The following PHEX variants were observed in gnomAD, a reference collection of about 807,000 sequenced individuals.
PHEX encodes the protein phosphate regulating endopeptidase X-linked, also known as phosphate-regulating neutral endopeptidase PHEX.
In PHEX, 16 loss-of-function variants were observed where a neutral mutation model predicts 68.0. The observed-to-expected ratio is 0.24, with a 90% CI of 0.16 to 0.36. The LOEUF (loss-of-function observed/expected upper bound fraction) is 0.36. Among genes scored for constraint, PHEX ranks in the 10% least tolerant of loss-of-function variants. PHEX has a pLI of 1.00. For synonymous variants in PHEX, 208 were observed against 205.1 expected (o/e 1.01, Z -0.12); for missense variants, 480 against 575.5 (o/e 0.83, Z 1.70).
rs56273956 is a variant in PHEX, at chrX:22,144,749, G to GAAA, written c.1404+11135_1404+11137dup. On this transcript the variant is annotated intron_variant, in intron 12 of 21. Coordinates refer to ENST00000379374, the MANE Select transcript of PHEX (RefSeq NM_000444.6). ...CAAAATTGTTTGCTTTCTTTTTTTT[G>GAAA]AAAAAAAAAAAATGGTTGATTTGAA... 1.9e-3 allele frequency among the ~76,000 whole-genome samples: 188 copies of GAAA among 97,900 alleles called. 1 individual carries two copies. Among genetic ancestry groups the GAAA allele is most frequent in the African/African-American group, 6.8e-3 (184 of 27,112 alleles). The allele number at this position is 97,900 out of a possible 115,157, so 85.0% of individuals were successfully genotyped here. A position where few individuals can be genotyped will look rare whatever the true frequency, so the allele number is the denominator to read the frequency against.
chrX:22,211,313 C>T (rs994175136), intron 15 of PHEX, among the ~76,000 whole-genome samples: 1 of 111,846 alleles, frequency 8.9e-6, no homozygotes, highest in Admixed American at 9.5e-5. Flanking sequence ...AAAGCCTTGC[C>T]CTATCTTTCA....
intron 15 of PHEX, among the ~76,000 whole-genome samples, chrX:22,199,490 G>A (rs150537363): frequency 1.8e-4 from 20 of 111,861 alleles, no homozygotes; most frequent in African/African-American, 3.6e-4. Context: ...GTTTTAAGTC[G>A]TGTGCCATTC....
In PHEX at chrX:22,168,296, T is replaced by G; in HGVS notation, c.1405-16T>G. On this transcript the variant is annotated splice_polypyrimidine_tract_variant and intron_variant, in intron 12 of 21. Coordinates refer to ENST00000379374, the MANE Select transcript of PHEX (RefSeq NM_000444.6). The stretch of plus-strand genomic sequence containing the variant: ...TGCTGAAACTCTGACATTATTTTTC[T>G]TTTTCCTTTTTGTAGGCGAGAGCTG... 1.8e-6 allele frequency: 2 copies of G among 1,142,170 alleles called. No homozygotes were observed. Among genetic ancestry groups the G allele is most frequent in the Non-Finnish European group, 2.4e-6 (2 of 832,098 alleles). The allele number at this position is 1,142,170 out of a possible 1,213,427, so 94.1% of individuals were successfully genotyped here.
At chrX:22,238,308 C>T (rs1405403494) in intron 20 of PHEX, among the ~76,000 whole-genome samples, 3 of 111,751 alleles carry the variant, frequency 2.7e-5, no homozygotes, top group Non-Finnish European at 3.8e-5. Flanking sequence ...GGTGGGACGT[C>T]ACTTCACCCG....
intron 12 of PHEX, among the ~76,000 whole-genome samples, chrX:22,157,602 A>G (rs771952363): frequency 8.9e-6 from 1 of 112,772 alleles, no homozygotes; most frequent in Non-Finnish European, 1.9e-5. Flanking sequence ...GTATGGCAAA[A>G]TTAAGATTTA....
At chrX:22,217,021 T>C (rs1208408705) in intron 16 of PHEX, among the ~76,000 whole-genome samples, 2 of 111,848 alleles carry the variant, frequency 1.8e-5, no homozygotes, top group Non-Finnish European at 3.8e-5. Context: ...CTTTTGCAAA[T>C]AGGAAGCTTG....
chrX:22,038,431 GC>G, intron 1 of PHEX, 37 bp from the exon 2 acceptor site: 1 of 963,399 alleles, frequency 1.0e-6, no homozygotes, highest in East Asian at 3.1e-5. Flanking sequence ...ATGGTGGTCT[GC>G]TACAACTCAG....
intron 6 of PHEX, among the ~76,000 whole-genome samples, 156 bp from the exon 7 acceptor site, chrX:22,093,827 G>A (rs1294094698): frequency 1.8e-5 from 2 of 112,132 alleles, no homozygotes; most frequent in Non-Finnish European, 3.8e-5. Flanking sequence ...TGTTATATGG[G>A]TGCCTGGTAT....
chrX:22,032,898 A>G lies in PHEX; in HGVS notation c.-108A>G, dbSNP rs149541983. The G allele has an allele frequency of 3.6e-3, 2,108 of 589,943 alleles. 34 individuals are homozygous for G. In the African/African-American group the frequency reaches 0.041, roughly 11 times the overall value. The allele number at this position is 589,943 out of a possible 1,213,427, so 48.6% of individuals were successfully genotyped here. ...CTGACGGCAGTTTCTTAAGCTGTCC[A>G]TTAGTAGAAGAGCAAGAAAGCCTTG... On this transcript the variant is annotated 5_prime_UTR_variant, in exon 1 of 22. Coordinates refer to ENST00000379374, the MANE Select transcript of PHEX (RefSeq NM_000444.6).
chrX:22,080,405 A>C (rs1929337857), intron 5 of PHEX, among the ~76,000 whole-genome samples: 1 of 111,105 alleles, frequency 9.0e-6, no homozygotes, highest in African/African-American at 3.3e-5. Flanking sequence ...GAATATTCAC[A>C]CATCTGAACT....
At chrX:22,220,761 G>A (rs2018676634) in intron 17 of PHEX, among the ~76,000 whole-genome samples, 1 of 112,285 alleles carries the variant, frequency 8.9e-6, no homozygotes, top group African/African-American at 3.2e-5. Context: ...TTAGTAGTAT[G>A]TAGCCTTGCT....
chrX:22,159,299 C>T (rs1933040465), intron 12 of PHEX, among the ~76,000 whole-genome samples: 1 of 113,017 alleles, frequency 8.8e-6, no homozygotes, highest in Admixed American at 9.3e-5. Flanking sequence ...TGGCATTCTG[C>T]CTGTTTTTGT....
intron 11 of PHEX, among the ~76,000 whole-genome samples, chrX:22,128,872 G>A (rs1435131718): frequency 1.0e-5 from 1 of 95,298 alleles, no homozygotes; most frequent in Non-Finnish European, 2.0e-5. Flanking sequence ...CCCCCGCCCA[G>A]TGGATGAGAC....
chrX:22,241,937 G>A (rs187111363), intron 20 of PHEX, among the ~76,000 whole-genome samples: 278 of 111,854 alleles, frequency 2.5e-3, no homozygotes, highest in East Asian at 4.8e-3. Context: ...TGAGGCCAGC[G>A]TGATCCTGAT....
chrX:22,157,215 G>A (rs1464568492), intron 12 of PHEX, among the ~76,000 whole-genome samples: 1 of 111,999 alleles, frequency 8.9e-6, no homozygotes, highest in Non-Finnish European at 1.9e-5. Flanking sequence ...AAATGAGCCG[G>A]GTGTGGTGGC....
At chrX:22,156,306 G>T in intron 12 of PHEX, among the ~76,000 whole-genome samples, 1 of 110,353 alleles carries the variant, frequency 9.1e-6, no homozygotes, top group East Asian at 2.9e-4. Flanking sequence ...TTCTCATCCT[G>T]GCGCCAACTT....
chrX:22,099,966 G>A (rs747852948), intron 9 of PHEX, among the ~76,000 whole-genome samples: 12 of 112,299 alleles, frequency 1.1e-4, no homozygotes, highest in African/African-American at 1.9e-4. Flanking sequence ...TATCCCCTAC[G>A]GAAACACTTA....
chrX:22,035,154 C>T (rs901212926), intron 1 of PHEX, among the ~76,000 whole-genome samples: 2 of 111,746 alleles, frequency 1.8e-5, no homozygotes, highest in African/African-American at 6.5e-5. Flanking sequence ...AGCATCCCTT[C>T]GTACCTCATC....
chrX:22,093,030 G>A (rs562209422), intron 6 of PHEX, among the ~76,000 whole-genome samples: 15 of 111,629 alleles, frequency 1.3e-4, no homozygotes, highest in East Asian at 5.6e-4. Context: ...GATTTCAGGC[G>A]TGAGCCACCA....
Sources: allele counts gnomAD v4.1 joint callset (sites outside exome capture counted in the v4.1 genomes callset), GRCh38; gene constraint gnomAD v4.1.1; transcripts MANE v1.5; gene names NCBI Gene and HGNC (gene_info 2026-07-23, HGNC 2026-07-21).